KDR: variants seen among roughly 807,000 people sequenced by gnomAD.
KDR encodes the protein vascular endothelial growth factor receptor 2.
A neutral mutation model predicts 160.9 loss-of-function variants in KDR; 43 were observed. The observed-to-expected ratio is 0.27, with a 90% CI of 0.21 to 0.34. KDR has a LOEUF of 0.34. KDR is among the 10% of genes least tolerant of loss of function. The pLI is 1.00. For synonymous variants in KDR, 617 were observed against 600.1 expected, an observed-to-expected ratio of 1.03 and a Z score of -0.41; for missense variants, 1,469 against 1,666.4, an observed-to-expected ratio of 0.88 and a Z score of 2.06.
rs1471060943 is a variant in KDR, at chr4:55,087,728, A to G, written c.3541T>C (p.Ser1181Pro). The part of the protein sequence containing the change: ...DGKDYIVLPI[S>P]ETLSMEEDSG... Reference sequence around the variant, plus strand: ...TCCTCTTCCATGCTCAAAGTCTCTGATATCGGAAGAACAATGTAGTCTTTG... The same window carrying G: ...TCCTCTTCCATGCTCAAAGTCTCTGGTATCGGAAGAACAATGTAGTCTTTG... The change falls in exon 27 of 30, where the codon TCA becomes CCA. Residue 1181 changes from serine (S) to proline (P), a missense_variant. By Grantham distance (74) the Ser-to-Pro change is moderately conservative. Coordinates refer to ENST00000263923, the MANE Select transcript of KDR (RefSeq NM_002253.4). 5 of 1,614,198 alleles carry G rather than the reference A, an allele frequency of 3.1e-6. No homozygotes were observed. The Admixed American group carries it at 8.3e-5, about 27-fold the overall frequency.
chr4:55,105,990 T>C, intron 11 of KDR, 50 bp from the exon 12 acceptor site: 2 of 1,148,210 alleles, frequency 1.7e-6, no homozygotes, highest in Non-Finnish European at 2.6e-6. Context: ...CGGCTGTTTG[T>C]GCACAAGCAC....
intron 3 of KDR, among the ~76,000 whole-genome samples, chr4:55,116,070 A>C (rs1483995283): frequency 6.6e-6 from 1 of 152,212 alleles, no homozygotes; most frequent in African/African-American, 2.4e-5. Context: ...AGTCATTGAT[A>C]TCTTCAATGA....
At position 55,114,214 on chromosome 4, in the gene KDR, G is replaced by A. The variant is rs202080764; in HGVS notation, c.710C>T (p.Ser237Phe). 2 of 1,613,926 alleles carry A rather than the reference G, an allele frequency of 1.2e-6. No homozygotes were observed. The highest frequency in any genetic ancestry group is 1.7e-6 in the Non-Finnish European group (2 of 1,179,844). ...ATTTAAGACAAGCTTTTCTCCAACAGATAGTTCAATTCCATGAGACGGACT... is the reference window on the plus strand; with the variant it reads ...ATTTAAGACAAGCTTTTCTCCAACAAATAGTTCAATTCCATGAGACGGACT... The part of the protein sequence containing the change: ...VLSPSHGIEL[S>F]VGEKLVLNCT... The change falls in exon 6 of 30, where the codon TCT (serine) becomes TTT (phenylalanine). Residue 237 changes from serine (S) to phenylalanine (F), a missense_variant. Around this residue, in one of 7 missense-constraint regions of KDR, gnomAD observed 792 missense variants for 840.9 expected, o/e 0.94. Coordinates refer to ENST00000263923, the MANE Select transcript of KDR (RefSeq NM_002253.4).
chr4:55,092,855 T>G, intron 21 of KDR, 141 bp from the exon 22 acceptor site: 1 of 694,668 alleles, frequency 1.4e-6, no homozygotes, highest in Non-Finnish European at 2.6e-6. Context: ...TGCTTCTATC[T>G]TCTGTAAATC....
intron 17 of KDR, among the ~76,000 whole-genome samples, 176 bp from the exon 18 acceptor site, chr4:55,097,942 T>A (rs1226616428): frequency 6.6e-6 from 1 of 151,802 alleles, no homozygotes; most frequent in Non-Finnish European, 1.5e-5. Flanking sequence ...ACTCTCCAAA[T>A]GTCCTGCTTT....
intron 22 of KDR, among the ~76,000 whole-genome samples, chr4:55,091,886 G>A (rs1038423030): frequency 6.6e-6 from 1 of 152,174 alleles, no homozygotes; most frequent in South Asian, 2.1e-4. Flanking sequence ...CTTTGGAATA[G>A]TTGTAACTTG....
chr4:55,111,898 C>A (rs1720593068), intron 7 of KDR, among the ~76,000 whole-genome samples: 1 of 152,180 alleles, frequency 6.6e-6, no homozygotes, highest in Non-Finnish European at 1.5e-5. Context: ...CTCACTAAAT[C>A]ATACTTGTTA....
intron 11 of KDR, among the ~76,000 whole-genome samples, 191 bp from the exon 12 acceptor site, chr4:55,106,131 G>C (rs889331503): frequency 1.2e-4 from 19 of 152,022 alleles, no homozygotes; most frequent in African/African-American, 4.3e-4. Context: ...GACCAAAAGT[G>C]GTTTGGATTT....
rs777472312 is a variant in KDR at position 55,098,699 on chromosome 4, G to C, written c.2371C>G (p.Arg791Gly). Residue 791 changes from arginine to glycine, a missense_variant and splice_region_variant, in exon 16 of 30, where the codon CGG becomes GGG. By Grantham distance (125) the Arg-to-Gly change is moderately radical (BLOSUM62 -2). Around this residue, in one of 7 missense-constraint regions of KDR, gnomAD observed 118 missense variants for 110.8 expected, o/e 1.06. Transcript: ENST00000263923. ...LLVIILRTVK[R>G]ANGGELKTGY... is the part of the protein sequence containing the mutation. ...CAGAAGGGAAATTATTTTTTTACCC[G>C]CTTAACGGTCCGTAGGATGATGACA... 6 of 1,607,854 alleles carry C rather than the reference G, an allele frequency of 3.7e-6. No individual in the cohort carries two copies. The highest frequency in any genetic ancestry group is 5.1e-6 in the Non-Finnish European group (6 of 1,174,682).
intron 1 of KDR, 46 bp downstream of exon 1, chr4:55,125,181 C>G (rs1720999459): frequency 2.6e-6 from 4 of 1,563,264 alleles, no homozygotes; most frequent in Non-Finnish European, 3.5e-6. Context: ...TCCTCTCCGC[C>G]CTCACCCGAC....
chr4:55,101,231 C>G (rs896859934), intron 15 of KDR, among the ~76,000 whole-genome samples: 1 of 152,118 alleles, frequency 6.6e-6, no homozygotes, highest in African/African-American at 2.4e-5. Flanking sequence ...AAGACAGAAT[C>G]AGGGAGAAGA....
intron 28 of KDR, 23 bp downstream of exon 28, chr4:55,082,513 C>T (rs2110005741): frequency 1.3e-6 from 2 of 1,487,850 alleles, no homozygotes; most frequent in Admixed American, 1.7e-5. Context: ...ATTTCTAAGA[C>T]TATTTTTAAA....
chr4:55,114,803 T>C, intron 5 of KDR, 71 bp downstream of exon 5: 1 of 1,333,584 alleles, frequency 7.5e-7, no homozygotes. Context: ...TTCTTCACTC[T>C]ATGTTGTTAT....
In KDR at chr4:55,115,014, T is replaced by G. The variant is rs1326104956; in HGVS notation, c.518A>C (p.Asp173Ala). The part of the protein sequence containing the change: ...ARYPEKRFVP[D>A]GNRISWDSKK... ...GCTGTCCCAGGAAATTCTGTTACCA[T>G]CAGGAACAAATCTCTTTTCTGGGTA... is the stretch of plus-strand genomic sequence containing the variant. Residue 173 changes from aspartate (D) to alanine (A), a missense_variant, in exon 5 of 30, where the codon GAT (aspartate) becomes GCT (alanine). Coordinates refer to ENST00000263923, the MANE Select transcript of KDR (RefSeq NM_002253.4). The G allele has an allele frequency of 9.3e-6, 15 of 1,613,654 alleles. No individual in the cohort carries two copies. The highest frequency in any genetic ancestry group is 1.3e-5 in the Non-Finnish European group (15 of 1,179,662).
At position 55,125,401 on chromosome 4, in the gene KDR, C is replaced by G; in HGVS notation, c.-108G>C. Reference sequence around the variant, plus strand: ...AGGTGGAACTCGCGGCACCCCGCAGCGCAGGACAGTTGAGCGCACAGGGCT... The same window carrying G: ...AGGTGGAACTCGCGGCACCCCGCAGGGCAGGACAGTTGAGCGCACAGGGCT... On this transcript the variant is annotated 5_prime_UTR_variant, in exon 1 of 30. Transcript: ENST00000263923. 2.2e-6 allele frequency: 3 copies of G among 1,386,198 alleles called. No homozygotes were observed. Among genetic ancestry groups the G allele is most frequent in the Non-Finnish European group, 3.0e-6 (3 of 1,009,018 alleles). 85.9% of individuals were successfully genotyped at this position (1,386,198 alleles called of 1,614,324 possible).
intron 25 of KDR, 37 bp downstream of exon 25, chr4:55,089,337 A>G: frequency 6.8e-7 from 1 of 1,481,346 alleles, no homozygotes; most frequent in South Asian, 1.1e-5. Flanking sequence ...TTTGCGAGCA[A>G]AGAAAGAGAA....
chr4:55,091,010 G>T (rs773277345), intron 22 of KDR, among the ~76,000 whole-genome samples: 1 of 151,784 alleles, frequency 6.6e-6, no homozygotes, highest in African/African-American at 2.4e-5. Context: ...GTGCCACCAC[G>T]CCCAGCTAAT....
At chr4:55,116,498 A>G (rs929613651) in intron 3 of KDR, among the ~76,000 whole-genome samples, 2 of 152,034 alleles carry the variant, frequency 1.3e-5, no homozygotes, top group Non-Finnish European at 2.9e-5. Flanking sequence ...AACCTAGTCC[A>G]TTCCTCAGAG....
intron 6 of KDR, 124 bp from the exon 7 acceptor site, chr4:55,113,605 C>A: frequency 1.2e-6 from 1 of 836,830 alleles, no homozygotes; most frequent in Non-Finnish European, 1.9e-6. Flanking sequence ...AACAGGGACA[C>A]CAGAACTTTT....
Sources: allele counts gnomAD v4.1 joint callset (sites outside exome capture counted in the v4.1 genomes callset), GRCh38; gene constraint gnomAD v4.1.1; regional missense constraint gnomAD v4.1.1; transcripts MANE v1.5; gene names NCBI Gene and HGNC (gene_info 2026-07-23, HGNC 2026-07-21).